Variants in ZC3H7A observed in about 807,000 individuals in gnomAD.
ZC3H7A encodes zinc finger CCCH domain-containing protein 7A.
Under a neutral mutation model 125.5 loss-of-function variants are expected in ZC3H7A, and 44 were observed. The ratio of observed to expected loss-of-function variants is 0.35; its 90% confidence interval spans 0.28 to 0.45. ZC3H7A has a LOEUF of 0.45. ZC3H7A is among the 20% of genes least tolerant of loss of function. The pLI is 1.00. For synonymous variants in ZC3H7A, 399 were observed against 391.2 expected, an observed-to-expected ratio of 1.02 and a Z score of -0.23; for missense variants, 977 against 1,170.7, an observed-to-expected ratio of 0.83 and a Z score of 2.41.
Position 11,768,354 on chromosome 16 carries a change from C to T in ZC3H7A, c.1321G>A (p.Glu441Lys). The change falls in exon 12 of 23, where the codon GAA becomes AAA. Residue 441 changes from glutamate to lysine, a missense_variant. Around this residue, in one of 3 missense-constraint regions of ZC3H7A, gnomAD observed 342 missense variants for 311.3 expected, o/e 1.10. Coordinates refer to ENST00000355758, the MANE Select transcript of ZC3H7A (RefSeq NM_014153.4). ...CAGATCTGGCAAGCTTGTCTCAATT[C>T]ATGGGTTCCTTCGAGGGGATGTCTT... ...TPRHPLEGTH[E>K]LRQACQICFV... 1 of 1,584,574 alleles carries T rather than the reference C, an allele frequency of 6.3e-7. No individual in the cohort carries two copies. Among genetic ancestry groups the T allele is most frequent in the Non-Finnish European group, 8.6e-7 (1 of 1,161,692 alleles).
At chr16:11,786,051 C>T (rs935816509) in intron 1 of ZC3H7A, among the ~76,000 whole-genome samples, 35 of 152,248 alleles carry the variant, frequency 2.3e-4, no homozygotes, top group African/African-American at 7.9e-4. Flanking sequence ...AGGGGTAGGA[C>T]GAGGTCTTTT....
intron 1 of ZC3H7A, among the ~76,000 whole-genome samples, chr16:11,795,997 A>G (rs1009981328): frequency 2.6e-5 from 4 of 151,580 alleles, no homozygotes; most frequent in Admixed American, 2.6e-4. Flanking sequence ...CGCCCAGTTA[A>G]TTTTTTGTAT....
At chr16:11,792,183 C>T (rs1034951518) in intron 1 of ZC3H7A, among the ~76,000 whole-genome samples, 1 of 152,228 alleles carries the variant, frequency 6.6e-6, no homozygotes, top group Non-Finnish European at 1.5e-5. Flanking sequence ...ATTGGGATTA[C>T]AGGCGTGACC....
At chr16:11,763,443 G>C in intron 16 of ZC3H7A, 35 bp downstream of exon 16, 1 of 1,573,924 alleles carries the variant, frequency 6.4e-7, no homozygotes, top group Non-Finnish European at 8.7e-7. Flanking sequence ...GTCTGCTCTT[G>C]AGGAGACATA....
chr16:11,758,496 C>T lies in ZC3H7A; in HGVS notation c.2363G>A (p.Gly788Glu), dbSNP rs1372425976. Residue 788 changes from glycine to glutamate, a missense_variant, in exon 20 of 23, where the codon GGA (glycine) becomes GAA (glutamate). Physicochemically the swap from Gly to Glu is moderately conservative, Grantham distance 98 (BLOSUM62 -2). Around this residue, in one of 3 missense-constraint regions of ZC3H7A, gnomAD observed 436 missense variants for 603.2 expected, o/e 0.72. Transcript: ENST00000355758. The stretch of plus-strand genomic sequence containing the variant: ...AGGACTATGAGCAAAGGAACAGTTT[C>T]CAACATATTGACATTTTTTCCCAGA... ...IASGKKCQYV[G>E]NCSFAHSPEE... The T allele has an allele frequency of 6.2e-7, 1 of 1,613,914 alleles. No homozygotes were observed. The highest frequency in any genetic ancestry group is 8.5e-7 in the Non-Finnish European group (1 of 1,179,846).
chr16:11,782,520 C>A, intron 1 of ZC3H7A, 132 bp from the exon 2 acceptor site: 1 of 736,646 alleles, frequency 1.4e-6, no homozygotes, highest in Non-Finnish European at 2.3e-6. Flanking sequence ...CTCCAGGGTC[C>A]TGGACGGCAG....
At chr16:11,778,436 CAAAA>C (rs754842530) in intron 4 of ZC3H7A, among the ~76,000 whole-genome samples, 9,973 of 74,766 alleles carry the variant, frequency 0.13, 513 homozygotes, top group Middle Eastern at 0.29. Flanking sequence ...GACACTGTCT[CAAAA>C]AAAAAAAAAA....
At position 11,756,148 on chromosome 16, in the gene ZC3H7A, C is replaced by T. The variant is rs560124766; in HGVS notation, c.2562+89G>A. ...ACTGCACTCCAGCCTGGTGACACAA[C>T]GAGACTCCATCTCAAAAAAAAGAAA... On this transcript the variant is annotated intron_variant, in intron 21 of 22. Transcript: ENST00000355758. 1.5e-4 allele frequency: 225 copies of T among 1,524,584 alleles called. No individual in the cohort carries two copies. In the East Asian group the frequency reaches 4.1e-3, roughly 28 times the overall value. 94.4% of individuals were successfully genotyped at this position (1,524,584 alleles called of 1,614,324 possible). A position where few individuals can be genotyped will look rare whatever the true frequency, so the allele number is the denominator to read the frequency against.
At chr16:11,758,659 A>G in intron 19 of ZC3H7A, 120 bp from the exon 20 acceptor site, 1 of 654,820 alleles carries the variant, frequency 1.5e-6, no homozygotes, top group Non-Finnish European at 2.6e-6. Flanking sequence ...CAAATTCTAA[A>G]GTAAGATTAA....
intron 1 of ZC3H7A, among the ~76,000 whole-genome samples, chr16:11,786,835 G>A (rs1220297080): frequency 2.0e-5 from 3 of 152,110 alleles, no homozygotes; most frequent in Admixed American, 6.6e-5. Context: ...GATCACATCT[G>A]CCCATCTTTA....
At chr16:11,773,289 C>T (rs1344128391) in intron 9 of ZC3H7A, among the ~76,000 whole-genome samples, 1 of 151,912 alleles carries the variant, frequency 6.6e-6, no homozygotes, top group African/African-American at 2.4e-5. Context: ...AAGTGATCCT[C>T]TACCCTCAGC....
intron 19 of ZC3H7A, among the ~76,000 whole-genome samples, chr16:11,760,138 A>AAAAAAAAAAAAAG (rs1567374763): frequency 1.2e-4 from 17 of 145,592 alleles, no homozygotes; most frequent in Non-Finnish European, 1.8e-4. Flanking sequence ...AAAAAAAAAA[A>AAAAAAAAAAAAAG]AAAAAAAGAA....
intron 2 of ZC3H7A, 31 bp downstream of exon 2, chr16:11,782,256 G>T: frequency 6.2e-7 from 1 of 1,612,924 alleles, no homozygotes; most frequent in Non-Finnish European, 8.5e-7. Flanking sequence ...ATTAGGACGC[G>T]GCAAGAACAC....
At chr16:11,775,952 G>A (rs1210370879) in intron 7 of ZC3H7A, among the ~76,000 whole-genome samples, 2 of 152,184 alleles carry the variant, frequency 1.3e-5, no homozygotes, top group African/African-American at 4.8e-5. Context: ...TTGAGCTCAG[G>A]AGTTTGAGGC....
At chr16:11,786,721 T>C (rs2053262716) in intron 1 of ZC3H7A, among the ~76,000 whole-genome samples, 2 of 152,220 alleles carry the variant, frequency 1.3e-5, no homozygotes, top group African/African-American at 4.8e-5. Flanking sequence ...CAGTAGTTTT[T>C]TAAGTTTCCC....
chr16:11,761,319 G>T (rs1362729979), intron 19 of ZC3H7A, 87 bp downstream of exon 19: 2 of 1,257,600 alleles, frequency 1.6e-6, no homozygotes, highest in Non-Finnish European at 2.3e-6. Context: ...TATTTAAAGG[G>T]CTTGAGTTTC....
chr16:11,756,333 CTT>C lies in ZC3H7A; in HGVS notation c.2464_2465del (p.Lys822GlufsTer5). On this transcript the variant is annotated frameshift_variant, in exon 21 of 23. Transcript: ENST00000355758. LOFTEE classifies it high-confidence loss of function. ...DMEQFYELWL[K>X]SQKNEKSEDI... ...CTTCACTTTTTTCATTTTTTTGACTCTTGAGCCATAGTTCGTAAAATTGCTCC... is the reference window on the plus strand; with the variant it reads ...CTTCACTTTTTTCATTTTTTTGACTCGAGCCATAGTTCGTAAAATTGCTCC... The C allele has an allele frequency of 6.2e-7, 1 of 1,613,630 alleles. No individual in the cohort carries two copies. Among genetic ancestry groups the C allele is most frequent in the Non-Finnish European group, 8.5e-7 (1 of 1,179,906 alleles).
intron 1 of ZC3H7A, 118 bp downstream of exon 1, chr16:11,797,006 C>CCCCG (rs981859798): frequency 6.8e-5 from 10 of 147,640 alleles, no homozygotes; most frequent in South Asian, 2.0e-4. Flanking sequence ...CCCTCCCCCG[C>CCCCG]CCCGCCCGCC....
chr16:11,790,764 C>G (rs978810956), intron 1 of ZC3H7A, among the ~76,000 whole-genome samples: 1 of 151,966 alleles, frequency 6.6e-6, no homozygotes, highest in African/African-American at 2.4e-5. Flanking sequence ...GTCTTGAACT[C>G]CCGACCTCAG....
Sources: gnomAD v4.1 joint callset for allele counts (sites outside exome capture counted in the v4.1 genomes callset) on GRCh38, gnomAD v4.1.1 for gene constraint, gnomAD v4.1.1 regional missense constraint, MANE v1.5 for transcripts, NCBI Gene and HGNC (gene_info 2026-07-23, HGNC 2026-07-21) for gene names.